IL1RL2: variants seen among roughly 807,000 people sequenced by gnomAD.
The protein encoded by IL1RL2 is interleukin 1 receptor like 2, also known as interleukin-1 receptor-like 2.
A neutral mutation model predicts 66.8 loss-of-function variants in IL1RL2; 68 were observed. The ratio of observed to expected loss-of-function variants is 1.02; its 90% CI spans 0.84 to 1.25. The LOEUF (loss-of-function observed/expected upper bound fraction) is 1.25. Ranked by LOEUF, IL1RL2 falls within the 50% of genes most tolerant of loss-of-function variation. The probability of loss-of-function intolerance (pLI) is 0.00; values close to 1 mark genes in which losing one functional copy is unlikely to be tolerated. For synonymous variants in IL1RL2, 305 were observed against 264.6 expected (o/e 1.15, Z -1.48); for missense variants, 729 against 709.3 (o/e 1.03, Z -0.32).
At chr2:102,229,516 A>T (rs971450391) in intron 9 of IL1RL2, among the ~76,000 whole-genome samples, 2 of 152,166 alleles carry the variant, frequency 1.3e-5, no homozygotes, top group South Asian at 4.1e-4. Flanking sequence ...CAGCTTCCTT[A>T]CTCATAATTT....
At chr2:102,198,754 C>T (rs181871525) in intron 4 of IL1RL2, among the ~76,000 whole-genome samples, 270 of 152,150 alleles carry the variant, frequency 1.8e-3, no homozygotes, top group African/African-American at 6.1e-3. Flanking sequence ...GTTTCAGCTG[C>T]GGTCATCTTC....
At chr2:102,224,906 G>GA (rs552709278) in intron 8 of IL1RL2, among the ~76,000 whole-genome samples, 28 of 150,838 alleles carry the variant, frequency 1.9e-4, no homozygotes, top group African/African-American at 4.4e-4. Context: ...TAGAGGCTCA[G>GA]AAAAAAAAAC....
chr2:102,208,279 C>T (rs886971429), intron 5 of IL1RL2, among the ~76,000 whole-genome samples: 7 of 152,160 alleles, frequency 4.6e-5, no homozygotes, highest in South Asian at 4.1e-4. Context: ...AGACAATTGG[C>T]GGATTCTTCT....
chr2:102,218,845 A>G (rs1689842299), intron 6 of IL1RL2, 108 bp from the exon 7 acceptor site: 3 of 936,532 alleles, frequency 3.2e-6, no homozygotes, highest in Non-Finnish European at 4.8e-6. Context: ...TCTGGTAATC[A>G]AAAGGTATTC....
intron 11 of IL1RL2, among the ~76,000 whole-genome samples, chr2:102,237,924 A>G (rs1027576791): frequency 2.6e-5 from 4 of 152,188 alleles, no homozygotes; most frequent in African/African-American, 9.7e-5. Flanking sequence ...TATGAGGTCA[A>G]TGGGGTCCTA....
Position 102,219,977 on chromosome 2 carries a change from C to T in IL1RL2, c.951C>T (p.His317=), listed in dbSNP as rs143355461. The T allele has an allele frequency of 4.0e-5, 64 of 1,613,842 alleles. No individual in the cohort carries two copies. The highest frequency in any genetic ancestry group is 1.1e-4 in the African/African-American group (8 of 75,028). The change falls in exon 8 of 12, where the codon CAC becomes CAT. Residue 317 remains histidine (H), a synonymous_variant. Coordinates refer to ENST00000264257, the MANE Select transcript of IL1RL2 (RefSeq NM_003854.4). ...ATTATGGCCTTCCTTTCATGTGCCA[C>T]GCTGGAGTGTCCACAGCATACATTA... ...MEDYGLPFMC[H]AGVSTAYIIL...
chr2:102,222,025 C>T (rs1267799676), intron 8 of IL1RL2, among the ~76,000 whole-genome samples: 2 of 152,206 alleles, frequency 1.3e-5, no homozygotes, highest in African/African-American at 4.8e-5. Flanking sequence ...ATCCTCCCCT[C>T]CTGATAATCA....
At chr2:102,229,951 G>GTTT (rs1690973785) in intron 9 of IL1RL2, among the ~76,000 whole-genome samples, 1 of 152,170 alleles carries the variant, frequency 6.6e-6, no homozygotes, top group Admixed American at 6.5e-5. Flanking sequence ...TAGCACACAA[G>GTTT]GTTTGTTTGT....
downstream of IL1RL2, among the ~76,000 whole-genome samples, chr2:102,241,251 C>T (rs181327108): frequency 1.3e-5 from 2 of 152,208 alleles, no homozygotes; most frequent in South Asian, 4.1e-4. Flanking sequence ...CTGAGACTGT[C>T]GCAGTCTGTC....
At chr2:102,212,878 A>G (rs1255473667) in intron 6 of IL1RL2, among the ~76,000 whole-genome samples, 1 of 152,196 alleles carries the variant, frequency 6.6e-6, no homozygotes. Context: ...CCGAGGCAGG[A>G]GAATGGCGTG....
At chr2:102,201,386 T>G (rs1688241506) in intron 4 of IL1RL2, among the ~76,000 whole-genome samples, 170 bp from the exon 5 acceptor site, 1 of 152,192 alleles carries the variant, frequency 6.6e-6, no homozygotes. Context: ...CAGGGAATTC[T>G]GCTGCCTATC....
intron 8 of IL1RL2, among the ~76,000 whole-genome samples, chr2:102,222,389 A>G (rs1690218598): frequency 6.6e-6 from 1 of 152,246 alleles, no homozygotes; most frequent in Non-Finnish European, 1.5e-5. Flanking sequence ...CCTCCAGGAT[A>G]TATCATGAAG....
chr2:102,194,396 GCTGGTATGAACA>G (rs1687483847), intron 4 of IL1RL2, among the ~76,000 whole-genome samples: 1 of 152,124 alleles, frequency 6.6e-6, no homozygotes, highest in African/African-American at 2.4e-5. Flanking sequence ...TAGAATCAAA[GCTGGTATGAACA>G]CTTTCCTCAC....
At chr2:102,208,237 A>G (rs1468570299) in intron 5 of IL1RL2, among the ~76,000 whole-genome samples, 1 of 152,238 alleles carries the variant, frequency 6.6e-6, no homozygotes, top group Admixed American at 6.5e-5. Flanking sequence ...TCTTCTGTGT[A>G]GATGGTTGTT....
intron 5 of IL1RL2, among the ~76,000 whole-genome samples, chr2:102,207,096 CA>C (rs1341556012): frequency 6.6e-6 from 1 of 152,144 alleles, no homozygotes; most frequent in East Asian, 1.9e-4. Context: ...GCTCTTAAGT[CA>C]GCTTGTGGCA....
At chr2:102,235,950 T>C in intron 11 of IL1RL2, 1 of 985,192 alleles carries the variant, frequency 1.0e-6, no homozygotes, top group Non-Finnish European at 1.2e-6. Context: ...TCTGTCAAAC[T>C]AAAGCAAGCA....
At chr2:102,187,313 C>T (rs1686767050) in intron 1 of IL1RL2, 1 of 1,174,716 alleles carries the variant, frequency 8.5e-7, no homozygotes, top group Admixed American at 3.7e-5. Flanking sequence ...TCCCTGCCTT[C>T]CTTTCTCCTT....
chr2:102,195,577 C>CTT (rs1452717117), intron 4 of IL1RL2, among the ~76,000 whole-genome samples: 1 of 15,362 alleles, frequency 6.5e-5, no homozygotes, highest in African/African-American at 2.2e-4. Context: ...TTCTTTCTTT[C>CTT]TTTCTTTCTT....
At position 102,212,097 on chromosome 2, in the gene IL1RL2, T is replaced by A. The variant is rs775195843; in HGVS notation, c.650-3T>A. 2.5e-6 allele frequency: 4 copies of A among 1,609,576 alleles called. No homozygotes were observed. Among genetic ancestry groups the A allele is most frequent in the Non-Finnish European group, 3.4e-6 (4 of 1,175,978 alleles). On this transcript the variant is annotated splice_polypyrimidine_tract_variant and splice_region_variant and intron_variant, in intron 5 of 11. Coordinates refer to ENST00000264257, the MANE Select transcript of IL1RL2 (RefSeq NM_003854.4). ...GCAATTTCCTGTGGGTATGATTTCT[T>A]AGCAGAAAGAGCTGGATATGGAGGA...
Sources: allele counts gnomAD v4.1 joint callset (sites outside exome capture counted in the v4.1 genomes callset), GRCh38; gene constraint gnomAD v4.1.1; transcripts MANE v1.5; gene names NCBI Gene and HGNC (gene_info 2026-07-23, HGNC 2026-07-21).